The following SUPT3H variants were observed in gnomAD, a reference collection of about 807,000 sequenced individuals.
SUPT3H encodes the protein transcription initiation protein SPT3 homolog.
Under a neutral mutation model 44.3 loss-of-function variants are expected in SUPT3H, and 44 were observed. The observed-to-expected ratio is 0.99, with a 90% CI of 0.78 to 1.28. The LOEUF (loss-of-function observed/expected upper bound fraction) is 1.28. Ranked by LOEUF, SUPT3H falls within the 50% of genes most tolerant of loss-of-function variation. SUPT3H has a pLI of 0.00. For missense variants in SUPT3H, 380 were observed against 387.1 expected (o/e 0.98, Z 0.15); for synonymous variants, 124 against 125.6 (o/e 0.99, Z 0.09).
At chr6:45,061,504 T>C (rs1444770307) in intron 3 of SUPT3H, among the ~76,000 whole-genome samples, 1 of 152,142 alleles carries the variant, frequency 6.6e-6, no homozygotes, top group Non-Finnish European at 1.5e-5. Flanking sequence ...GCTTAATACC[T>C]AGCTGATGGG....
chr6:45,363,268 T>C lies in SUPT3H; in HGVS notation c.101+1933A>G, dbSNP rs536596672. ...AAAACAGGCAGCAAGTCCATGGCCA[T>C]AATTTGTTGACTTCTGCTATAGGAC... On this transcript the variant is annotated intron_variant, in intron 2 of 10. Coordinates refer to ENST00000371459, the MANE Select transcript of SUPT3H (RefSeq NM_003599.4). 2.2e-4 allele frequency among the ~76,000 whole-genome samples: 34 copies of C among 152,306 alleles called. No individual in the cohort carries two copies. In the South Asian group the frequency reaches 6.6e-3, roughly 30 times the overall value.
chr6:45,227,913 A>G (rs1767231517), intron 2 of SUPT3H, among the ~76,000 whole-genome samples: 1 of 152,216 alleles, frequency 6.6e-6, no homozygotes, highest in Non-Finnish European at 1.5e-5. Context: ...TAAAAATAAA[A>G]CAAAATGAAA....
chr6:45,146,240 G>A (rs557427626), intron 2 of SUPT3H, among the ~76,000 whole-genome samples: 3 of 152,034 alleles, frequency 2.0e-5, no homozygotes, highest in Non-Finnish European at 2.9e-5. Flanking sequence ...AGCACGATTC[G>A]CAACTGCAAA....
At chr6:45,218,716 A>G (rs1765498762) in intron 2 of SUPT3H, among the ~76,000 whole-genome samples, 1 of 152,234 alleles carries the variant, frequency 6.6e-6, no homozygotes, top group African/African-American at 2.4e-5. Context: ...CCTGGACAAC[A>G]GGAGCAAAAC....
rs564167581 is a variant in SUPT3H, at chr6:44,820,021, A to C, written c.*52+9743T>G. ...GCGGATCACTTGAGCTCAGGAATTCAAGACCAGCCTGGGCAACGTGGTGAA... is the reference window on the plus strand; with the variant it reads ...GCGGATCACTTGAGCTCAGGAATTCCAGACCAGCCTGGGCAACGTGGTGAA... On this transcript the variant is annotated intron_variant and NMD_transcript_variant, in intron 11 of 11. Coordinates refer to the SUPT3H transcript ENST00000475057. 2.0e-5 allele frequency among the ~76,000 whole-genome samples: 3 copies of C among 152,062 alleles called. No individual in the cohort carries two copies. In the South Asian group the frequency reaches 6.2e-4, roughly 32 times the overall value.
chr6:45,253,221 T>C (rs1039260588), intron 2 of SUPT3H, among the ~76,000 whole-genome samples: 1 of 152,192 alleles, frequency 6.6e-6, no homozygotes, highest in African/African-American at 2.4e-5. Flanking sequence ...AGATTTCTTA[T>C]AACTCAGTAG....
intron 3 of SUPT3H, among the ~76,000 whole-genome samples, chr6:45,054,908 T>C (rs1301032811): frequency 6.6e-6 from 1 of 152,086 alleles, no homozygotes; most frequent in Non-Finnish European, 1.5e-5. Context: ...GTTCAAAATG[T>C]TTGAACCCAT....
intron 10 of SUPT3H, among the ~76,000 whole-genome samples, chr6:44,888,710 C>A (rs1393825216): frequency 6.6e-6 from 1 of 151,966 alleles, no homozygotes; most frequent in African/African-American, 2.4e-5. Context: ...TGGCACAAGA[C>A]AGGGATGCCC....
intron 2 of SUPT3H, among the ~76,000 whole-genome samples, chr6:45,269,706 T>TGAG (rs1164564585): frequency 6.6e-6 from 1 of 152,232 alleles, no homozygotes; most frequent in Admixed American, 6.5e-5. Context: ...GTTTGCTTTA[T>TGAG]ACACTTGCCT....
chr6:45,053,319 C>T (rs1035508335), intron 3 of SUPT3H, among the ~76,000 whole-genome samples: 138 of 151,536 alleles, frequency 9.1e-4, no homozygotes, highest in African/African-American at 3.2e-3. Context: ...AGGGCATTGT[C>T]GAAAACAACA....
intron 2 of SUPT3H, among the ~76,000 whole-genome samples, chr6:45,114,467 T>C (rs1249314192): frequency 6.6e-6 from 1 of 152,104 alleles, no homozygotes; most frequent in Non-Finnish European, 1.5e-5. Context: ...GTGAAAGAAA[T>C]AGCTTTAAAT....
At chr6:45,234,363 T>C (rs1768664521) in intron 2 of SUPT3H, among the ~76,000 whole-genome samples, 1 of 151,832 alleles carries the variant, frequency 6.6e-6, no homozygotes, top group Non-Finnish European at 1.5e-5. Flanking sequence ...AAACCCTGTC[T>C]CTACTAATAC....
At chr6:45,339,799 C>A (rs1231335898) in intron 2 of SUPT3H, among the ~76,000 whole-genome samples, 1 of 152,016 alleles carries the variant, frequency 6.6e-6, no homozygotes, top group Non-Finnish European at 1.5e-5. Context: ...TTTGAAAAAT[C>A]AATGTAACTA....
intron 2 of SUPT3H, among the ~76,000 whole-genome samples, chr6:45,214,015 C>CAAAAAAAAAAAAAAAAAAAA (rs11418358): frequency 5.4e-5 from 4 of 74,116 alleles, no homozygotes; most frequent in African/African-American, 1.1e-4. Context: ...TTTTGAAATG[C>CAAAAAAAAAAAAAAAAAAAA]AAAAAAAAAA....
intron 2 of SUPT3H, among the ~76,000 whole-genome samples, chr6:45,319,543 C>A (rs75042841): frequency 0.017 from 2,543 of 152,136 alleles, 31 homozygotes; most frequent in Non-Finnish European, 0.027. Flanking sequence ...AAATTCAGAT[C>A]AGAATACAAG....
intron 7 of SUPT3H, among the ~76,000 whole-genome samples, chr6:44,960,079 ACT>A (rs1775787952): frequency 6.6e-6 from 1 of 152,118 alleles, no homozygotes; most frequent in African/African-American, 2.4e-5. Context: ...AACATAATAC[ACT>A]GTTTATACTA....
intron 2 of SUPT3H, among the ~76,000 whole-genome samples, chr6:45,189,231 T>G (rs534282730): frequency 6.6e-6 from 1 of 152,226 alleles, no homozygotes; most frequent in Non-Finnish European, 1.5e-5. Context: ...CCCTAGTAAG[T>G]AAAATAAAAT....
chr6:44,878,313 G>A (rs1177758134), intron 10 of SUPT3H, among the ~76,000 whole-genome samples: 1 of 152,130 alleles, frequency 6.6e-6, no homozygotes, highest in Non-Finnish European at 1.5e-5. Flanking sequence ...ATGATGAGAA[G>A]ATACATGTAT....
chr6:44,903,546 A>T (rs542411837), intron 10 of SUPT3H, among the ~76,000 whole-genome samples: 12 of 152,190 alleles, frequency 7.9e-5, no homozygotes, highest in Non-Finnish European at 1.6e-4. Flanking sequence ...TTAATAGCTT[A>T]CCTACCAAAA....
Sources: gnomAD v4.1 joint callset for allele counts (sites outside exome capture counted in the v4.1 genomes callset) on GRCh38, gnomAD v4.1.1 for gene constraint, MANE v1.5 for transcripts, NCBI Gene and HGNC (gene_info 2026-07-23, HGNC 2026-07-21) for gene names.